The following ZRSR2 variants were observed in gnomAD, a reference collection of about 807,000 sequenced individuals.
ZRSR2 encodes the protein zinc finger CCCH-type, RNA binding motif and serine/arginine rich 2, also known as U2 small nuclear ribonucleoprotein auxiliary factor 35 kDa subunit-related protein 2.
ZRSR2 carries 3 observed loss-of-function variants against 39.4 expected under a neutral mutation model. That is an observed-to-expected ratio of 0.08 (90% CI 0.03 to 0.20). The LOEUF is 0.20. Among genes scored for constraint, ZRSR2 ranks in the 10% least tolerant of loss-of-function variants. The probability of loss-of-function intolerance (pLI) is 1.00; values close to 1 mark genes in which losing one functional copy is unlikely to be tolerated. For synonymous variants in ZRSR2, 137 were observed against 136.0 expected (o/e 1.01, Z -0.05); for missense variants, 256 against 391.5 (o/e 0.65, Z 2.92).
At chrX:15,804,067 T>C (rs367809621) in intron 4 of ZRSR2, 44 bp from the exon 5 acceptor site, 74 of 1,125,982 alleles carry the variant, frequency 6.6e-5, no homozygotes, top group Non-Finnish European at 6.5e-5. Context: ...GAAATGTTTT[T>C]AAAAAGTGAC....
intron 2 of ZRSR2, among the ~76,000 whole-genome samples, chrX:15,795,609 A>G (rs1450941994): frequency 8.9e-6 from 1 of 112,089 alleles, no homozygotes; most frequent in Non-Finnish European, 1.9e-5. Flanking sequence ...TGTACAACCA[A>G]AAGACAGGCA....
In ZRSR2 at chrX:15,797,309, C is replaced by G. The variant is rs1331094163; in HGVS notation, c.122-2563C>G. ...CACTGCAACCTCCACCTCCCGGGTT[C>G]AAGCAATTCTCCTCCCTCAGCCTCC... On this transcript the variant is annotated intron_variant, in intron 2 of 10. Coordinates refer to ENST00000307771, the MANE Select transcript of ZRSR2 (RefSeq NM_005089.4). 4.7e-5 allele frequency among the ~76,000 whole-genome samples: 5 copies of G among 106,006 alleles called. No individual in the cohort carries two copies. The Admixed American group carries it at 5.2e-4, about 11-fold the overall frequency. The allele number at this position is 106,006 out of a possible 115,157, so 92.1% of individuals were successfully genotyped here.
intron 7 of ZRSR2, among the ~76,000 whole-genome samples, chrX:15,813,935 A>G (rs984673077): frequency 1.8e-5 from 2 of 111,170 alleles, no homozygotes; most frequent in Non-Finnish European, 3.8e-5. Context: ...GCATTATCTC[A>G]GTAGGTGCTT....
intron 9 of ZRSR2, among the ~76,000 whole-genome samples, chrX:15,819,587 AG>A (rs1933054431): frequency 9.0e-6 from 1 of 111,133 alleles, no homozygotes; most frequent in Admixed American, 9.6e-5. Flanking sequence ...CATCTCAAAA[AG>A]AAAAAAATAA....
chrX:15,821,025 C>T (rs1251399176), intron 10 of ZRSR2, among the ~76,000 whole-genome samples: 4 of 112,025 alleles, frequency 3.6e-5, no homozygotes, highest in South Asian at 3.7e-4. Context: ...CTTATCTTAC[C>T]GTTTACTTGT....
chrX:15,799,518 G>A (rs1284506632), intron 2 of ZRSR2, among the ~76,000 whole-genome samples: 2 of 100,130 alleles, frequency 2.0e-5, no homozygotes, highest in Non-Finnish European at 4.0e-5. Context: ...GCAATGGCAC[G>A]ATCTTGGCTC....
chrX:15,812,009 A>G (rs936076820), intron 7 of ZRSR2, among the ~76,000 whole-genome samples: 11 of 111,235 alleles, frequency 9.9e-5, no homozygotes, highest in African/African-American at 3.6e-4. Context: ...CGCTCACTGC[A>G]AACTCCGCCT....
intron 3 of ZRSR2, among the ~76,000 whole-genome samples, chrX:15,800,654 A>G (rs1211424967): frequency 8.9e-6 from 1 of 112,534 alleles, no homozygotes; most frequent in East Asian, 2.8e-4. Flanking sequence ...TGATATTTAT[A>G]CATATTTTTC....
At chrX:15,802,302 TCTA>T (rs1338774852) in intron 3 of ZRSR2, among the ~76,000 whole-genome samples, 1 of 112,254 alleles carries the variant, frequency 8.9e-6, no homozygotes. Flanking sequence ...AATTTGAGGT[TCTA>T]CACACCTAAT....
In ZRSR2 at chrX:15,802,254, A is replaced by G. The variant is rs147251766; in HGVS notation, c.204-1434A>G. On this transcript the variant is annotated intron_variant, in intron 3 of 10. Coordinates refer to ENST00000307771, the MANE Select transcript of ZRSR2 (RefSeq NM_005089.4). ...CTGAAGTAATATAGAACAGTTTCTCATATTTAATTTCCCTTTTATAAATTC... is the reference window on the plus strand; with the variant it reads ...CTGAAGTAATATAGAACAGTTTCTCGTATTTAATTTCCCTTTTATAAATTC... Among the ~76,000 whole-genome samples the G allele has an allele frequency of 1.6e-3, 179 of 112,508 alleles. 1 individual carries two copies. The highest frequency in any genetic ancestry group is 5.5e-3 in the African/African-American group (171 of 31,018).
At chrX:15,820,852 G>A (rs951527494) in intron 10 of ZRSR2, among the ~76,000 whole-genome samples, 1 of 111,732 alleles carries the variant, frequency 8.9e-6, no homozygotes, top group African/African-American at 3.3e-5. Context: ...AGTTAAACAT[G>A]AATGCAGTCA....
chrX:15,821,777 C>T (rs376919010), intron 10 of ZRSR2, among the ~76,000 whole-genome samples: 4 of 110,207 alleles, frequency 3.6e-5, no homozygotes, highest in African/African-American at 1.3e-4. Flanking sequence ...GTATGTGGTA[C>T]GGAGGTATTT....
At chrX:15,799,612 G>C (rs927635841) in intron 2 of ZRSR2, among the ~76,000 whole-genome samples, 2 of 110,066 alleles carry the variant, frequency 1.8e-5, no homozygotes, top group Non-Finnish European at 3.8e-5. Flanking sequence ...CTGCCACCAT[G>C]CCAAGCTAAT....
chrX:15,798,652 A>G (rs1197857484), intron 2 of ZRSR2, among the ~76,000 whole-genome samples: 1 of 111,550 alleles, frequency 9.0e-6, no homozygotes, highest in African/African-American at 3.3e-5. Context: ...ATGGTATCAT[A>G]TACAGGCCAT....
intron 10 of ZRSR2, among the ~76,000 whole-genome samples, chrX:15,821,396 C>T (rs772741626): frequency 9.2e-6 from 1 of 109,233 alleles, no homozygotes; most frequent in Non-Finnish European, 1.9e-5. Flanking sequence ...TCATTATTGG[C>T]CATTTGTATG....
At chrX:15,801,352 C>T (rs758984028) in intron 3 of ZRSR2, 127 of 282,190 alleles carry the variant, frequency 4.5e-4, no homozygotes, top group African/African-American at 3.3e-3. Context: ...CCTCAGCCTC[C>T]CGAGTAGCCG....
intron 5 of ZRSR2, among the ~76,000 whole-genome samples, chrX:15,807,533 A>AG (rs1468781494): frequency 9.5e-6 from 1 of 105,575 alleles, no homozygotes; most frequent in East Asian, 3.1e-4. Context: ...CAAGTGATCC[A>AG]CCCGCCTCAG....
At chrX:15,813,408 A>G (rs1160177867) in intron 7 of ZRSR2, among the ~76,000 whole-genome samples, 1 of 112,344 alleles carries the variant, frequency 8.9e-6, no homozygotes, top group African/African-American at 3.2e-5. Context: ...AGTTCTTTCC[A>G]GGTAATTCTG....
intron 10 of ZRSR2, 118 bp downstream of exon 10, chrX:15,820,434 T>A: frequency 1.6e-6 from 1 of 618,341 alleles, no homozygotes; most frequent in Non-Finnish European, 2.6e-6. Flanking sequence ...CCTCACACAG[T>A]AGATGAGCAG....
Sources: allele counts gnomAD v4.1 joint callset (sites outside exome capture counted in the v4.1 genomes callset), GRCh38; gene constraint gnomAD v4.1.1; transcripts MANE v1.5; gene names NCBI Gene and HGNC (gene_info 2026-07-23, HGNC 2026-07-21).